TLL2: variants seen among roughly 807,000 people sequenced by gnomAD.
TLL2 encodes the protein tolloid like 2, also known as tolloid-like protein 2.
TLL2 carries 106 observed loss-of-function variants against 123.0 expected under a neutral mutation model. The ratio of observed to expected loss-of-function variants is 0.86; its 90% CI spans 0.74 to 1.01. The LOEUF (loss-of-function observed/expected upper bound fraction) is 1.01, where lower values mean the gene tolerates loss of function less well. Among genes scored for constraint, TLL2 ranks in the 50% least tolerant of loss-of-function variants. The probability of loss-of-function intolerance (pLI) is 0.00; values close to 1 mark genes in which losing one functional copy is unlikely to be tolerated. For synonymous variants in TLL2, 494 were observed against 516.8 expected, an observed-to-expected ratio of 0.96 and a Z score of 0.60; for missense variants, 1,332 against 1,336.7, an observed-to-expected ratio of 1.00 and a Z score of 0.06.
intron 13 of TLL2, among the ~76,000 whole-genome samples, chr10:96,391,520 C>A (rs1193071588): frequency 6.6e-6 from 1 of 152,166 alleles, no homozygotes; most frequent in African/African-American, 2.4e-5. Context: ...GCTTTCAGGT[C>A]TCCTTAGTGG....
intron 2 of TLL2, among the ~76,000 whole-genome samples, chr10:96,454,772 T>C (rs1051774342): frequency 4.6e-5 from 7 of 152,198 alleles, no homozygotes; most frequent in Admixed American, 3.3e-4. Flanking sequence ...TCAGCACTCA[T>C]TGAGTTAGTG....
chr10:96,440,569 G>A (rs575386481), intron 3 of TLL2, among the ~76,000 whole-genome samples: 1 of 152,286 alleles, frequency 6.6e-6, no homozygotes, highest in East Asian at 1.9e-4. Context: ...ACTCTCCTTT[G>A]GAGAATGGGC....
At chr10:96,376,940 G>T in intron 17 of TLL2, 121 bp from the exon 18 acceptor site, 1 of 946,150 alleles carries the variant, frequency 1.1e-6, no homozygotes, top group Non-Finnish European at 1.5e-6. Context: ...TATCAAATAT[G>T]GGGGTGGGGT....
chr10:96,512,329 G>A (rs1359963910), intron 1 of TLL2, among the ~76,000 whole-genome samples: 1 of 152,230 alleles, frequency 6.6e-6, no homozygotes, highest in Non-Finnish European at 1.5e-5. Flanking sequence ...TTCACTTGCA[G>A]AGAATTTTCC....
intron 5 of TLL2, among the ~76,000 whole-genome samples, chr10:96,425,259 TTCTCTCTCTCTC>T (rs5787184): frequency 8.1e-4 from 117 of 144,348 alleles, no homozygotes; most frequent in Non-Finnish European, 3.5e-4. Flanking sequence ...CATTACTGTT[TTCTCTCTCTCTC>T]TCTCTCTCTC....
chr10:96,390,896 T>G (rs1381935170), intron 13 of TLL2, among the ~76,000 whole-genome samples: 3 of 152,258 alleles, frequency 2.0e-5, no homozygotes, highest in Admixed American at 6.5e-5. Context: ...CAAGACTTAG[T>G]GTGAAAAACA....
intron 2 of TLL2, among the ~76,000 whole-genome samples, chr10:96,452,420 C>T (rs916126871): frequency 2.6e-5 from 4 of 152,228 alleles, no homozygotes; most frequent in Admixed American, 6.5e-5. Context: ...TAGGAACTGT[C>T]ACCTGCGAGG....
At position 96,379,065 on chromosome 10, in the gene TLL2, C is replaced by T. The variant is rs898286900; in HGVS notation, c.2222G>A (p.Gly741Asp). Residue 741 changes from glycine (G) to aspartate (D), a missense_variant, in exon 17 of 21, where the codon GGC becomes GAC. Coordinates refer to ENST00000357947, the MANE Select transcript of TLL2 (RefSeq NM_012465.4). Reference sequence around the variant, plus strand: ...GTTGACGCACTCATGCTGACACCCGCCGTTGTCCTTGGCACACTCGTCCTT... The same window carrying T: ...GTTGACGCACTCATGCTGACACCCGTCGTTGTCCTTGGCACACTCGTCCTT... ...SDKDECAKDNGGCQHECVNTF... is the reference protein window; with the variant it reads ...SDKDECAKDNDGCQHECVNTF... 8.1e-6 allele frequency: 13 copies of T among 1,614,072 alleles called. No individual in the cohort carries two copies. Among genetic ancestry groups the T allele is most frequent in the African/African-American group, 1.3e-5 (1 of 74,942 alleles).
At chr10:96,460,434 C>T (rs75368985) in intron 2 of TLL2, among the ~76,000 whole-genome samples, 4,621 of 152,164 alleles carry the variant, frequency 0.03, 232 homozygotes, top group African/African-American at 0.11. Flanking sequence ...TGGGCTCATG[C>T]CTGATATGGT....
intron 10 of TLL2, among the ~76,000 whole-genome samples, chr10:96,397,690 G>A (rs1846355252): frequency 6.6e-6 from 1 of 152,210 alleles, no homozygotes; most frequent in Admixed American, 6.5e-5. Context: ...CCTTTTGGGG[G>A]CATTAGACAT....
At chr10:96,400,366 AAAAAAAAAAAAAAAC>A (rs1389913834) in intron 10 of TLL2, among the ~76,000 whole-genome samples, 1 of 151,886 alleles carries the variant, frequency 6.6e-6, no homozygotes, top group East Asian at 1.9e-4. Flanking sequence ...TCAAAAAAAA[AAAAAAAAAAAAAAAC>A]AAAACCTTCA....
intron 2 of TLL2, among the ~76,000 whole-genome samples, chr10:96,447,468 A>G (rs1290574276): frequency 6.6e-6 from 1 of 152,148 alleles, no homozygotes; most frequent in Non-Finnish European, 1.5e-5. Flanking sequence ...TGGACCAGAC[A>G]CTGCAGTGGA....
intron 18 of TLL2, among the ~76,000 whole-genome samples, chr10:96,375,934 T>C (rs1216577940): frequency 6.6e-6 from 1 of 152,118 alleles, no homozygotes; most frequent in African/African-American, 2.4e-5. Context: ...GCAAAAGGGG[T>C]TCTTTATTCT....
At chr10:96,399,220 C>T (rs1846370188) in intron 10 of TLL2, among the ~76,000 whole-genome samples, 1 of 152,130 alleles carries the variant, frequency 6.6e-6, no homozygotes, top group Non-Finnish European at 1.5e-5. Flanking sequence ...TCTGAGCATG[C>T]TAAAAACCAT....
At chr10:96,468,088 C>T (rs764676849) in intron 2 of TLL2, among the ~76,000 whole-genome samples, 5 of 152,196 alleles carry the variant, frequency 3.3e-5, no homozygotes, top group Non-Finnish European at 7.3e-5. Flanking sequence ...TCAGTTCACT[C>T]GCCCATCACC....
intron 17 of TLL2, among the ~76,000 whole-genome samples, chr10:96,378,431 G>A (rs990741551): frequency 6.6e-6 from 1 of 152,172 alleles, no homozygotes; most frequent in Non-Finnish European, 1.5e-5. Flanking sequence ...GGAGAATGGA[G>A]CAAAGCTTTC....
At chr10:96,379,162 C>A in intron 16 of TLL2, 70 bp from the exon 17 acceptor site, 2 of 1,570,504 alleles carry the variant, frequency 1.3e-6, no homozygotes, top group Non-Finnish European at 1.7e-6. Context: ...CTCAGAATCC[C>A]ACTTAAAAGT....
At position 96,368,010 on chromosome 10, in the gene TLL2, T is replaced by C. The variant is rs1277227991; in HGVS notation, c.*78A>G. On this transcript the variant is annotated 3_prime_UTR_variant, in exon 21 of 21. Coordinates refer to ENST00000357947, the MANE Select transcript of TLL2 (RefSeq NM_012465.4). Reference sequence around the variant, plus strand: ...ATACTGTACACTGTTTTAGGGCAGATTTTCAAGGTGCTATTGTTGTTAAAA... The same window carrying C: ...ATACTGTACACTGTTTTAGGGCAGACTTTCAAGGTGCTATTGTTGTTAAAA... The C allele has an allele frequency of 5.1e-6, 8 of 1,563,496 alleles. No homozygotes were observed. In the East Asian group the frequency reaches 1.3e-4, roughly 26 times the overall value.
At chr10:96,407,072 C>T (rs1025549897) in intron 9 of TLL2, among the ~76,000 whole-genome samples, 19 of 152,048 alleles carry the variant, frequency 1.2e-4, no homozygotes, top group Non-Finnish European at 2.6e-4. Flanking sequence ...TCATGTTTAC[C>T]AGACCCCTCC....
Sources: allele counts gnomAD v4.1 joint callset (sites outside exome capture counted in the v4.1 genomes callset), GRCh38; gene constraint gnomAD v4.1.1; transcripts MANE v1.5; gene names NCBI Gene and HGNC (gene_info 2026-07-23, HGNC 2026-07-21).